Variants in NOL10 observed in about 807,000 individuals in gnomAD.
NOL10 encodes the protein H_NH0074G24.1.
NOL10 carries 58 observed loss-of-function variants against 103.5 expected under a neutral mutation model. That is an observed-to-expected ratio of 0.56 (90% confidence interval 0.45 to 0.70). NOL10 has a LOEUF of 0.70. NOL10 is among the 30% of genes least tolerant of loss of function. The probability of loss-of-function intolerance (pLI) is 0.00; values close to 1 mark genes in which losing one functional copy is unlikely to be tolerated. For synonymous variants in NOL10, 287 were observed against 282.5 expected, an observed-to-expected ratio of 1.02 and a Z score of -0.16; for missense variants, 763 against 807.3, an observed-to-expected ratio of 0.95 and a Z score of 0.67.
rs777320581 is a variant in NOL10 at position 10,659,196 on chromosome 2, C to T, written c.732G>A (p.Met244Ile). ...SALKFNGALT[M>I]AVGTTTGQVL... ...CCTGCCCTGTGGTTGTTCCAACTGC[C>T]ATGGTCAAGGCACCATTAAATTTCA... is the stretch of plus-strand genomic sequence containing the variant. The change falls in exon 10 of 21, where the codon ATG becomes ATA. Residue 244 changes from methionine to isoleucine, a missense_variant. Coordinates refer to ENST00000381685, the MANE Select transcript of NOL10 (RefSeq NM_024894.4). The T allele has an allele frequency of 5.0e-6, 8 of 1,604,662 alleles. No individual in the cohort carries two copies. In the South Asian group the frequency reaches 7.9e-5, roughly 16 times the overall value.
intron 13 of NOL10, among the ~76,000 whole-genome samples, chr2:10,613,432 G>T (rs974264045): frequency 2.4e-4 from 36 of 152,264 alleles, no homozygotes; most frequent in African/African-American, 7.9e-4. Context: ...TTTTTAAAAG[G>T]TTCTAGGAAG....
chr2:10,657,911 G>C lies in NOL10; in HGVS notation c.757-20C>G, dbSNP rs1350299570. On this transcript the variant is annotated intron_variant, in intron 10 of 20. Coordinates refer to ENST00000381685, the MANE Select transcript of NOL10 (RefSeq NM_024894.4). Reference sequence around the variant, plus strand: ...TAAAACCTGAAAAAAAATTATTTCTGTTTAAACAAACTAGACATTTTATCT... The same window carrying C: ...TAAAACCTGAAAAAAAATTATTTCTCTTTAAACAAACTAGACATTTTATCT... 10 of 1,487,964 alleles carry C rather than the reference G, an allele frequency of 6.7e-6. No individual in the cohort carries two copies. The highest frequency in any genetic ancestry group is 9.0e-6 in the Non-Finnish European group (10 of 1,111,742). 92.2% of individuals were successfully genotyped at this position (1,487,964 alleles called of 1,614,324 possible).
chr2:10,578,607 A>G (rs898972269), intron 19 of NOL10, among the ~76,000 whole-genome samples: 5 of 151,572 alleles, frequency 3.3e-5, no homozygotes, highest in Non-Finnish European at 5.9e-5. Context: ...GCTTTCCAAT[A>G]AAGAGGTTAA....
At chr2:10,643,838 AGAATGTTT>A (rs1678877779) in intron 13 of NOL10, among the ~76,000 whole-genome samples, 1 of 152,262 alleles carries the variant, frequency 6.6e-6, no homozygotes, top group African/African-American at 2.4e-5. Flanking sequence ...TTCCCATAAA[AGAATGTTT>A]GAGCATGAAT....
At chr2:10,656,683 C>T (rs1042770419) in intron 11 of NOL10, among the ~76,000 whole-genome samples, 4 of 152,236 alleles carry the variant, frequency 2.6e-5, no homozygotes, top group South Asian at 4.1e-4. Flanking sequence ...GCAGCCCCCA[C>T]GGAATAGACG....
At chr2:10,668,095 T>G (rs1395661368) in intron 7 of NOL10, among the ~76,000 whole-genome samples, 1 of 152,164 alleles carries the variant, frequency 6.6e-6, no homozygotes, top group Admixed American at 6.6e-5. Context: ...AAATCTGTTC[T>G]AAGTTTAAAA....
chr2:10,685,036 G>C (rs1455629649), intron 1 of NOL10, among the ~76,000 whole-genome samples: 1 of 152,068 alleles, frequency 6.6e-6, no homozygotes, highest in Non-Finnish European at 1.5e-5. Flanking sequence ...CTTTTACATA[G>C]AGAAAAACTA....
Position 10,654,530 on chromosome 2 carries a change from G to C in NOL10, c.924C>G (p.Ser308=). The change falls in exon 12 of 21, where the codon TCC becomes TCG. Residue 308 remains serine, a synonymous_variant. Transcript: ENST00000381685. ...WNKNSGKIFT[S]LEPEHDLNDV... ...CATTAAGGTCATGCTCTGGCTCCAA[G>C]GAAGTAAATATTTTTCCCTAAAAAT... The C allele has an allele frequency of 1.9e-6, 3 of 1,595,864 alleles. No individual in the cohort carries two copies. The highest frequency in any genetic ancestry group is 2.6e-6 in the Non-Finnish European group (3 of 1,174,526).
intron 7 of NOL10, 121 bp from the exon 8 acceptor site, chr2:10,667,399 C>G: frequency 1.4e-6 from 1 of 733,282 alleles, no homozygotes; most frequent in Non-Finnish European, 2.4e-6. Flanking sequence ...CACAGATTCT[C>G]TCTTACTAAT....
intron 13 of NOL10, among the ~76,000 whole-genome samples, chr2:10,640,171 A>G (rs1240785122): frequency 6.6e-6 from 1 of 152,242 alleles, no homozygotes; most frequent in Non-Finnish European, 1.5e-5. Context: ...TGGATCATAC[A>G]TTAAACACAC....
At chr2:10,623,040 C>A (rs1303657033) in intron 13 of NOL10, among the ~76,000 whole-genome samples, 1 of 152,112 alleles carries the variant, frequency 6.6e-6, no homozygotes, top group Non-Finnish European at 1.5e-5. Context: ...CCTCACCATG[C>A]CTACTGCCTT....
chr2:10,657,614 C>G (rs1320827674), intron 11 of NOL10, 128 bp downstream of exon 11: 2 of 713,208 alleles, frequency 2.8e-6, no homozygotes, highest in Non-Finnish European at 4.4e-6. Flanking sequence ...TGACCTCCCG[C>G]TAAGTTCCCA....
intron 19 of NOL10, among the ~76,000 whole-genome samples, chr2:10,579,026 T>A (rs1674616459): frequency 6.6e-6 from 1 of 152,182 alleles, no homozygotes; most frequent in African/African-American, 2.4e-5. Context: ...TGAAATATGA[T>A]CTTTGTAACT....
chr2:10,620,843 C>T (rs116065393), intron 13 of NOL10, among the ~76,000 whole-genome samples: 111 of 152,174 alleles, frequency 7.3e-4, no homozygotes, highest in Middle Eastern at 3.4e-3. Context: ...TTACCCAGGC[C>T]GGAGTGCAGT....
At chr2:10,646,631 T>C (rs1197857949) in intron 12 of NOL10, among the ~76,000 whole-genome samples, 1 of 152,194 alleles carries the variant, frequency 6.6e-6, no homozygotes, top group Non-Finnish European at 1.5e-5. Flanking sequence ...AAGCCTTAGT[T>C]CAGCAGAAAT....
chr2:10,636,254 A>G (rs956504378), intron 13 of NOL10, among the ~76,000 whole-genome samples: 1 of 152,016 alleles, frequency 6.6e-6, no homozygotes, highest in Admixed American at 6.6e-5. Context: ...AAAACAACAT[A>G]TACTCTGGAT....
At chr2:10,598,730 C>G (rs1369186298) in intron 17 of NOL10, among the ~76,000 whole-genome samples, 1 of 152,166 alleles carries the variant, frequency 6.6e-6, no homozygotes, top group Non-Finnish European at 1.5e-5. Context: ...AAGAAAAATG[C>G]TGGCTCCGTA....
intron 13 of NOL10, among the ~76,000 whole-genome samples, chr2:10,636,732 A>G (rs570363994): frequency 6.6e-6 from 1 of 152,244 alleles, no homozygotes; most frequent in South Asian, 2.1e-4. Flanking sequence ...AACTTGAAAA[A>G]AGATACCATC....
chr2:10,581,639 C>G (rs958748455), intron 19 of NOL10, among the ~76,000 whole-genome samples: 1 of 152,070 alleles, frequency 6.6e-6, no homozygotes, highest in Non-Finnish European at 1.5e-5. Flanking sequence ...CCAGTCTGGG[C>G]AACAAAATGA....
Sources: gnomAD v4.1 joint callset for allele counts (sites outside exome capture counted in the v4.1 genomes callset) on GRCh38, gnomAD v4.1.1 for gene constraint, MANE v1.5 for transcripts, NCBI Gene and HGNC (gene_info 2026-07-23, HGNC 2026-07-21) for gene names.